The following ADAM10 variants were observed in gnomAD, a reference collection of about 807,000 sequenced individuals.
ADAM10 encodes disintegrin and metalloproteinase domain-containing protein 10.
In ADAM10, 17 loss-of-function variants were observed where a neutral mutation model predicts 90.1. The observed-to-expected ratio is 0.19, with a 90% CI of 0.13 to 0.28. The LOEUF is 0.28. Among genes scored for constraint, ADAM10 ranks in the 10% least tolerant of loss-of-function variants. The pLI is 1.00. For synonymous variants in ADAM10, 310 were observed against 298.6 expected (o/e 1.04, Z -0.40); for missense variants, 610 against 914.3 (o/e 0.67, Z 4.29).
chr15:58,659,075 C>A (rs1031981460), intron 5 of ADAM10, among the ~76,000 whole-genome samples: 3 of 152,042 alleles, frequency 2.0e-5, no homozygotes, highest in African/African-American at 7.2e-5. Context: ...AAGTTCAAGA[C>A]CAGCCTGACC....
chr15:58,715,383 C>A (rs557955122), intron 2 of ADAM10, among the ~76,000 whole-genome samples: 1 of 151,364 alleles, frequency 6.6e-6, no homozygotes, highest in Admixed American at 6.6e-5. Context: ...TCATTACACT[C>A]CAGCCCAGGC....
At chr15:58,658,366 T>A (rs1896883668) in intron 5 of ADAM10, among the ~76,000 whole-genome samples, 1 of 152,218 alleles carries the variant, frequency 6.6e-6, no homozygotes, top group Non-Finnish European at 1.5e-5. Flanking sequence ...ATGTTTACCC[T>A]TAGGTCAAGA....
intron 14 of ADAM10, among the ~76,000 whole-genome samples, chr15:58,606,875 G>C (rs1895291725): frequency 6.6e-6 from 1 of 152,110 alleles, no homozygotes; most frequent in Non-Finnish European, 1.5e-5. Flanking sequence ...TCCCATAAAA[G>C]CCCAGATAAA....
intron 6 of ADAM10, among the ~76,000 whole-genome samples, chr15:58,644,365 G>A (rs1566978074): frequency 6.6e-6 from 1 of 151,962 alleles, no homozygotes; most frequent in Admixed American, 6.6e-5. Context: ...AAACAACTGG[G>A]ATTACAGGCG....
rs981085915 is a variant in ADAM10, at chr15:58,728,099, A to C, written c.56-10372T>G. ...AAGATAGACCTTAATCCTAGGCCAC[A>C]AAGCACGTTTCCACAAATTTTAAAA... On this transcript the variant is annotated intron_variant, in intron 1 of 15. Coordinates refer to ENST00000260408, the MANE Select transcript of ADAM10 (RefSeq NM_001110.4). 7.9e-5 allele frequency among the ~76,000 whole-genome samples: 12 copies of C among 152,252 alleles called. 2 individuals are homozygous for C. The South Asian group carries it at 2.3e-3, about 29-fold the overall frequency.
chr15:58,608,423 G>A (rs562856327), intron 14 of ADAM10, among the ~76,000 whole-genome samples: 1 of 152,168 alleles, frequency 6.6e-6, no homozygotes, highest in Admixed American at 6.5e-5. Flanking sequence ...AATGAGACAA[G>A]TAACTTGTAA....
chr15:58,681,674 G>T (rs1205929348), intron 3 of ADAM10, among the ~76,000 whole-genome samples: 1 of 152,162 alleles, frequency 6.6e-6, no homozygotes, highest in Non-Finnish European at 1.5e-5. Flanking sequence ...GGTTAAGTGT[G>T]CCACTGATGC....
At chr15:58,656,064 G>C (rs1276716274) in intron 5 of ADAM10, among the ~76,000 whole-genome samples, 2 of 152,034 alleles carry the variant, frequency 1.3e-5, no homozygotes, top group African/African-American at 4.8e-5. Context: ...TAATTATATA[G>C]TGACTATCTT....
chr15:58,735,574 T>C (rs1323732850), intron 1 of ADAM10, among the ~76,000 whole-genome samples: 1 of 152,158 alleles, frequency 6.6e-6, no homozygotes, highest in Admixed American at 6.6e-5. Flanking sequence ...TAATACACAA[T>C]ACAATGTAAA....
chr15:58,595,774 G>A lies in ADAM10; in HGVS notation c.*1773C>T, dbSNP rs1276749030. ...CAAGAAGTTACTAAGAACTCTTGCA[G>A]AATAAAAGTCACCATTTTAGAAATG... On this transcript the variant is annotated 3_prime_UTR_variant, in exon 16 of 16. Transcript: ENST00000260408. 1 of 152,066 alleles carries A rather than the reference G, an allele frequency of 6.6e-6. No individual in the cohort carries two copies. The highest frequency in any genetic ancestry group is 2.4e-5 in the African/African-American group (1 of 41,412). 9.4% of individuals were successfully genotyped at this position (152,066 alleles called of 1,614,324 possible).
chr15:58,624,082 G>A (rs1241600696), intron 10 of ADAM10, among the ~76,000 whole-genome samples: 3 of 151,336 alleles, frequency 2.0e-5, no homozygotes, highest in East Asian at 1.9e-4. Context: ...TCAAGAGATT[G>A]AGACCATCCT....
chr15:58,625,292 C>T (rs186873931), intron 10 of ADAM10, among the ~76,000 whole-genome samples: 1 of 151,840 alleles, frequency 6.6e-6, no homozygotes, highest in African/African-American at 2.4e-5. Context: ...AAAGAATTCT[C>T]AATACTCCAA....
At chr15:58,694,854 T>C (rs1281906319) in intron 2 of ADAM10, among the ~76,000 whole-genome samples, 1 of 152,052 alleles carries the variant, frequency 6.6e-6, no homozygotes, top group Non-Finnish European at 1.5e-5. Flanking sequence ...AAAATCTATC[T>C]AGTAGTGACA....
intron 11 of ADAM10, among the ~76,000 whole-genome samples, chr15:58,613,397 G>A (rs796795378): frequency 3.3e-5 from 5 of 151,994 alleles, no homozygotes; most frequent in African/African-American, 1.2e-4. Context: ...CATGAAACAT[G>A]AAAAAACAAA....
chr15:58,703,303 A>C (rs551034745), intron 2 of ADAM10, among the ~76,000 whole-genome samples: 21 of 151,826 alleles, frequency 1.4e-4, no homozygotes, highest in African/African-American at 4.8e-4. Flanking sequence ...AAAAAAAAAA[A>C]AAAAAAAACA....
At position 58,678,964 on chromosome 15, in the gene ADAM10, A is replaced by G. The variant is rs542608900; in HGVS notation, c.484+160T>C. Among the ~76,000 whole-genome samples, 9 of 152,312 alleles carry G rather than the reference A, an allele frequency of 5.9e-5. No individual in the cohort carries two copies. The South Asian group carries it at 6.2e-4, about 11-fold the overall frequency. The stretch of plus-strand genomic sequence containing the variant: ...TGACAAGGAAATTGCCTCATTACAT[A>G]TATCTACTATTCCTTAAATAGCAAT... On this transcript the variant is annotated intron_variant, in intron 4 of 15. Transcript: ENST00000260408.
rs1486073753 is a variant in ADAM10 at position 58,620,710 on chromosome 15, G to A, written c.1511+761C>T. ...GGAGTCTCGCTCTGTCGCCCAGGCC[G>A]GACTGCGGACTGCAGTGGCGCAATC... On this transcript the variant is annotated intron_variant, in intron 11 of 15. Coordinates refer to ENST00000260408, the MANE Select transcript of ADAM10 (RefSeq NM_001110.4). Among the ~76,000 whole-genome samples, 34 of 35,904 alleles carry A rather than the reference G, an allele frequency of 9.5e-4. 7 individuals carry two copies. The South Asian group carries it at 0.043, about 45-fold the overall frequency. 23.6% of individuals were successfully genotyped at this position (35,904 alleles called of 152,430 possible). A position where few individuals can be genotyped will look rare whatever the true frequency, so the allele number is the denominator to read the frequency against.
intron 2 of ADAM10, among the ~76,000 whole-genome samples, chr15:58,712,443 G>C (rs1898504253): frequency 6.7e-6 from 1 of 150,372 alleles, no homozygotes; most frequent in African/African-American, 2.4e-5. Context: ...AGGATGGCTT[G>C]AGTCCAGGAG....
At chr15:58,639,084 T>G (rs1410294705) in intron 8 of ADAM10, among the ~76,000 whole-genome samples, 3 of 151,542 alleles carry the variant, frequency 2.0e-5, no homozygotes, top group African/African-American at 7.3e-5. Flanking sequence ...TGGCAGAAAG[T>G]TTTTAGTTTA....
Sources: gnomAD v4.1 joint callset for allele counts (sites outside exome capture counted in the v4.1 genomes callset) on GRCh38, gnomAD v4.1.1 for gene constraint, MANE v1.5 for transcripts, NCBI Gene and HGNC (gene_info 2026-07-23, HGNC 2026-07-21) for gene names.